The following CFAP47 variants were observed in gnomAD, a reference collection of about 807,000 sequenced individuals.
CFAP47 encodes the protein cilia and flagella associated protein 47, also known as cilia- and flagella-associated protein 47.
In CFAP47, 29 loss-of-function variants were observed where a neutral mutation model predicts 148.1. The observed-to-expected ratio is 0.20, with a 90% CI of 0.15 to 0.27. The LOEUF is 0.27. Among genes scored for constraint, CFAP47 ranks in the 10% least tolerant of loss-of-function variants. The pLI, the probability that CFAP47 is intolerant of heterozygous loss-of-function variation, is 1.00. For synonymous variants in CFAP47, 664 were observed against 577.3 expected, an observed-to-expected ratio of 1.15 and a Z score of -2.15; for missense variants, 1,872 against 1,697.5, an observed-to-expected ratio of 1.10 and a Z score of -1.81.
chrX:36,362,645 G>A (rs782738534), intron 61 of CFAP47, among the ~76,000 whole-genome samples: 207 of 111,909 alleles, frequency 1.8e-3, no homozygotes, highest in African/African-American at 6.2e-3. Flanking sequence ...TGAACATAAC[G>A]AGTCCACGTG....
At chrX:36,259,570 A>G (rs782333842) in intron 49 of CFAP47, among the ~76,000 whole-genome samples, 2 of 111,508 alleles carry the variant, frequency 1.8e-5, no homozygotes, top group Admixed American at 9.5e-5. Flanking sequence ...CAAGAAGGAA[A>G]CTAAGTCACA....
At position 36,251,125 on chromosome X, in the gene CFAP47, A is replaced by G. The variant is rs187143226; in HGVS notation, c.7333-208A>G. On this transcript the variant is annotated intron_variant, in intron 48 of 63. Coordinates refer to ENST00000378653, the MANE Select transcript of CFAP47 (RefSeq NM_001304548.2). ...ATAATTTCCTTTGTTCCATTTTTAAATAGGTTTGTTCTTAGATTTCTCTTC... is the reference window on the plus strand; with the variant it reads ...ATAATTTCCTTTGTTCCATTTTTAAGTAGGTTTGTTCTTAGATTTCTCTTC... 1.9e-3 allele frequency among the ~76,000 whole-genome samples: 214 copies of G among 110,980 alleles called. 1 individual carries two copies. Among genetic ancestry groups the G allele is most frequent in the African/African-American group, 6.7e-3 (205 of 30,670 alleles).
At chrX:36,180,920 G>T (rs1939742705) in intron 40 of CFAP47, among the ~76,000 whole-genome samples, 2 of 111,980 alleles carry the variant, frequency 1.8e-5, no homozygotes, top group Non-Finnish European at 3.8e-5. Context: ...TAATTTCTTT[G>T]TAGATGTGAA....
chrX:36,213,849 G>A (rs1555989820), intron 45 of CFAP47, among the ~76,000 whole-genome samples: 1 of 111,818 alleles, frequency 8.9e-6, no homozygotes, highest in Non-Finnish European at 1.9e-5. Context: ...AATTAAATAC[G>A]AATACTTTAT....
intron 60 of CFAP47, among the ~76,000 whole-genome samples, chrX:36,359,262 G>A (rs782247673): frequency 8.9e-4 from 99 of 111,615 alleles, no homozygotes; most frequent in Admixed American, 1.8e-3. Context: ...GTCTTCATCA[G>A]CAGTTCATGA....
intron 26 of CFAP47, among the ~76,000 whole-genome samples, chrX:36,054,367 A>G (rs945134635): frequency 4.4e-5 from 5 of 112,540 alleles, no homozygotes; most frequent in Admixed American, 9.4e-5. Context: ...TTATGCTTAC[A>G]AAGGGTGTTA....
chrX:36,062,580 G>T (rs2146750481), intron 26 of CFAP47, among the ~76,000 whole-genome samples: 1 of 111,367 alleles, frequency 9.0e-6, no homozygotes, highest in African/African-American at 3.3e-5. Flanking sequence ...ATGAAAGACT[G>T]GTGAGGAAAA....
chrX:36,313,580 G>T (rs1941411072), intron 56 of CFAP47, among the ~76,000 whole-genome samples: 1 of 111,142 alleles, frequency 9.0e-6, no homozygotes, highest in Admixed American at 9.6e-5. Flanking sequence ...AATGTCTTTA[G>T]ATTATTTCAT....
chrX:36,062,693 A>C (rs1937604131), intron 26 of CFAP47, among the ~76,000 whole-genome samples: 1 of 110,564 alleles, frequency 9.0e-6, no homozygotes, highest in Non-Finnish European at 1.9e-5. Flanking sequence ...AGTTGTTTTC[A>C]GGGGCTGGGG....
At chrX:36,070,684 G>A (rs1323344495) in intron 27 of CFAP47, among the ~76,000 whole-genome samples, 1 of 109,871 alleles carries the variant, frequency 9.1e-6, no homozygotes, top group Non-Finnish European at 1.9e-5. Flanking sequence ...TAGAGATGGG[G>A]TTTCACCATG....
intron 21 of CFAP47, among the ~76,000 whole-genome samples, chrX:36,008,552 C>T (rs1937005215): frequency 1.8e-5 from 2 of 109,512 alleles, no homozygotes; most frequent in South Asian, 4.0e-4. Context: ...GGAAGATTAC[C>T]TGAGGTCAGG....
intron 8 of CFAP47, among the ~76,000 whole-genome samples, chrX:35,961,625 A>T (rs1333436003): frequency 9.0e-6 from 1 of 111,487 alleles, no homozygotes; most frequent in Non-Finnish European, 1.9e-5. Flanking sequence ...TGTTGATCAC[A>T]TAATCTTATA....
chrX:35,922,608 C>T (rs1259888578), intron 1 of CFAP47, among the ~76,000 whole-genome samples: 1 of 112,710 alleles, frequency 8.9e-6, no homozygotes, highest in Non-Finnish European at 1.9e-5. Context: ...CCCTTGTTTT[C>T]CTTCTGTTCT....
chrX:36,275,473 T>A (rs1000178193), intron 49 of CFAP47, among the ~76,000 whole-genome samples: 3 of 107,650 alleles, frequency 2.8e-5, no homozygotes, highest in Admixed American at 1.0e-4. Flanking sequence ...TACATTCTAT[T>A]ACTGTGGTAT....
chrX:35,924,038 T>C (rs762677110), intron 1 of CFAP47, among the ~76,000 whole-genome samples: 3 of 97,999 alleles, frequency 3.1e-5, no homozygotes, highest in Non-Finnish European at 6.0e-5. Context: ...TATGCACATA[T>C]ATGTGTATAT....
At chrX:36,236,104 G>T in intron 47 of CFAP47, 27 bp downstream of exon 47, 1 of 430,584 alleles carries the variant, frequency 2.3e-6, no homozygotes, top group Admixed American at 4.0e-5. Flanking sequence ...ATTTTCCCCA[G>T]TATTAATTAA....
Position 36,236,552 on chromosome X carries a change from T to C in CFAP47, c.7159-134T>C, listed in dbSNP as rs782326081. ...TTTTGTAGAAGCAGTTATTTGTGTA[T>C]TGAAAAAGTCAATGGCTAACACCTC... On this transcript the variant is annotated intron_variant, in intron 47 of 63. Coordinates refer to ENST00000378653, the MANE Select transcript of CFAP47 (RefSeq NM_001304548.2). The C allele has an allele frequency of 4.5e-3, 1,839 of 406,286 alleles. 6 individuals are homozygous for C. The highest frequency in any genetic ancestry group is 7.0e-3 in the Non-Finnish European group (1,616 of 232,438). 33.5% of individuals were successfully genotyped at this position (406,286 alleles called of 1,213,427 possible).
chrX:36,311,940 G>T lies in CFAP47; in HGVS notation c.8344+951G>T, dbSNP rs782223087. Among the ~76,000 whole-genome samples the T allele has an allele frequency of 4.5e-5, 5 of 111,038 alleles. No homozygotes were observed. The Admixed American group carries it at 4.9e-4, about 11-fold the overall frequency. On this transcript the variant is annotated intron_variant, in intron 56 of 63. Coordinates refer to ENST00000378653, the MANE Select transcript of CFAP47 (RefSeq NM_001304548.2). ...GGAATGAAATAATTTTAAATATTAA[G>T]AAAGTAATGTCATCTCATGTAAAAT...
At chrX:35,972,008 A>G (rs765690337) in intron 13 of CFAP47, 43 bp downstream of exon 13, 1 of 648,397 alleles carries the variant, frequency 1.5e-6, no homozygotes, top group Admixed American at 5.9e-5. Context: ...ATTTTTTTAT[A>G]AAAAAAAGAT....
Sources: gnomAD v4.1 joint callset for allele counts (sites outside exome capture counted in the v4.1 genomes callset) on GRCh38, gnomAD v4.1.1 for gene constraint, MANE v1.5 for transcripts, NCBI Gene and HGNC (gene_info 2026-07-23, HGNC 2026-07-21) for gene names.